The following PACS2 variants were observed in gnomAD, a reference collection of about 807,000 sequenced individuals.
PACS2 encodes phosphofurin acidic cluster sorting protein 2.
PACS2 carries 36 observed loss-of-function variants against 113.0 expected under a neutral mutation model. The ratio of observed to expected loss-of-function variants is 0.32; its 90% CI spans 0.24 to 0.42. The LOEUF (loss-of-function observed/expected upper bound fraction) is 0.42, where lower values mean the gene tolerates loss of function less well. PACS2 is among the 10% of genes least tolerant of loss of function. The pLI is 1.00. For synonymous variants in PACS2, 589 were observed against 536.1 expected, an observed-to-expected ratio of 1.10 and a Z score of -1.36; for missense variants, 1,015 against 1,239.5, an observed-to-expected ratio of 0.82 and a Z score of 2.72.
At chr14:105,393,567 G>T in intron 24 of PACS2, 9 of 435,564 alleles carry the variant, frequency 2.1e-5, no homozygotes, top group South Asian at 1.6e-4. Flanking sequence ...GACTTGTTTC[G>T]TTTTTCTTGT....
At chr14:105,382,410 G>A (rs2081025932) in intron 13 of PACS2, 67 bp from the exon 14 acceptor site, 5 of 938,966 alleles carry the variant, frequency 5.3e-6, no homozygotes, top group Non-Finnish European at 8.7e-6. Context: ...GCAGGCACCA[G>A]GGCTGGCGTG....
chr14:105,316,291 C>G (rs758721202), intron 1 of PACS2, among the ~76,000 whole-genome samples: 1 of 152,334 alleles, frequency 6.6e-6, no homozygotes, highest in East Asian at 1.9e-4. Context: ...TGCAGATGTG[C>G]CTGCTTGCCT....
intron 1 of PACS2, among the ~76,000 whole-genome samples, chr14:105,331,510 G>T (rs1179460649): frequency 2.0e-5 from 3 of 152,230 alleles, no homozygotes; most frequent in East Asian, 3.9e-4. Context: ...TCAAACTCTG[G>T]GGCTCGAGTC....
At chr14:105,311,993 GAGA>G (rs1423099979), upstream of PACS2, among the ~76,000 whole-genome samples, 13 of 152,348 alleles carry the variant, frequency 8.5e-5, no homozygotes, top group African/African-American at 2.4e-4. Flanking sequence ...CTCCTGGCAG[GAGA>G]AGGAGTAGGG....
rs2058972204 is a variant in PACS2 at position 105,323,426 on chromosome 14, A to G, written c.119+8389A>G. ...CGTCTCCTCAGGACGCATGTTGCCTACTGACCGCTGCCAGCCTGCACGAGA... is the reference window on the plus strand; with the variant it reads ...CGTCTCCTCAGGACGCATGTTGCCTGCTGACCGCTGCCAGCCTGCACGAGA... On this transcript the variant is annotated intron_variant, in intron 1 of 24. Coordinates refer to ENST00000447393, the MANE Select transcript of PACS2 (RefSeq NM_001100913.3). This position sits in a 1 kb window ranked among gnomAD's most constrained non-coding sequence, Gnocchi z 4.1. Among the ~76,000 whole-genome samples the G allele has an allele frequency of 2.0e-5, 3 of 152,136 alleles. No homozygotes were observed. Among genetic ancestry groups the G allele is most frequent in the East Asian group, 1.9e-4 (1 of 5,156 alleles).
At chr14:105,369,988 A>G (rs945427529) in intron 8 of PACS2, 88 bp downstream of exon 8, 8 of 1,152,094 alleles carry the variant, frequency 6.9e-6, no homozygotes, top group Middle Eastern at 2.0e-4. Flanking sequence ...TCTCCGGGCC[A>G]CCTCTGGTTC....
chr14:105,391,466 C>T (rs1332063372), intron 21 of PACS2, 165 bp from the exon 22 acceptor site: 14 of 703,328 alleles, frequency 2.0e-5, no homozygotes, highest in African/African-American at 1.6e-4. Context: ...TTCCAAAAAC[C>T]GAGGAGAATC....
chr14:105,360,385 C>CA (rs1160055539), intron 4 of PACS2, among the ~76,000 whole-genome samples: 3 of 150,422 alleles, frequency 2.0e-5, no homozygotes, highest in South Asian at 2.1e-4. Context: ...ACTAAAAATA[C>CA]AAAAAAAAAT....
upstream of PACS2, among the ~76,000 whole-genome samples, chr14:105,312,032 G>A (rs1429901007): frequency 3.3e-5 from 5 of 152,234 alleles, no homozygotes; most frequent in Admixed American, 3.3e-4. Flanking sequence ...GCCGCCAACT[G>A]ACCAGTGCTG....
Position 105,358,515 on chromosome 14 carries a change from G to C in PACS2, c.423+3338G>C, listed in dbSNP as rs2060542719. 6.6e-6 allele frequency among the ~76,000 whole-genome samples: 1 copy of C among 152,196 alleles called. No homozygotes were observed. The highest frequency in any genetic ancestry group is 2.4e-5 in the African/African-American group (1 of 41,446). On this transcript the variant is annotated intron_variant, in intron 4 of 24. Coordinates refer to ENST00000447393, the MANE Select transcript of PACS2 (RefSeq NM_001100913.3). The surrounding 1 kb of genome is among the most constrained non-coding windows in gnomAD (Gnocchi z 4.9). ...AGTGTGTAGGGGTGGGCGTTCGTGT[G>C]GCCAGACCACCCTGGGGCTGCAGCC...
rs1472203120 is a variant in PACS2 at position 105,357,867 on chromosome 14, A to G, written c.423+2690A>G. Among the ~76,000 whole-genome samples, 2 of 151,604 alleles carry G rather than the reference A, an allele frequency of 1.3e-5. No individual in the cohort carries two copies. The highest frequency in any genetic ancestry group is 2.9e-5 in the Non-Finnish European group (2 of 67,924). ...AGGCTGGCGCCATGCATTTGAGAGT[A>G]GTGCTCGGCGGTGGGGAAGGGTCCT... is the stretch of plus-strand genomic sequence containing the variant. On this transcript the variant is annotated intron_variant, in intron 4 of 24. Transcript: ENST00000447393. This position sits in a 1 kb window ranked among gnomAD's most constrained non-coding sequence, Gnocchi z 5.1.
At chr14:105,363,627 ACTCT>A (rs1156991413) in intron 4 of PACS2, among the ~76,000 whole-genome samples, 7 of 151,480 alleles carry the variant, frequency 4.6e-5, no homozygotes, top group Non-Finnish European at 8.8e-5. Flanking sequence ...CCGGCCACTC[ACTCT>A]CTCCACACCG....
Position 105,328,773 on chromosome 14 carries a change from C to G in PACS2, c.119+13736C>G, listed in dbSNP as rs998764927. Among the ~76,000 whole-genome samples the G allele has an allele frequency of 5.7e-4, 87 of 152,140 alleles. 1 individual carries two copies. Among genetic ancestry groups the G allele is most frequent in the Admixed American group, 5.6e-3 (85 of 15,276 alleles). On this transcript the variant is annotated intron_variant, in intron 1 of 24. Transcript: ENST00000447393. ...TTTCTGTTAAGAGTGAAGAGGAAAC[C>G]TTGTTTGATTAGACTCATTGTAAAA...
In PACS2 at chr14:105,376,488, C is replaced by G. The variant is rs1243703675; in HGVS notation, c.802-280C>G. Among the ~76,000 whole-genome samples, 1 of 152,164 alleles carries G rather than the reference C, an allele frequency of 6.6e-6. No homozygotes were observed. The highest frequency in any genetic ancestry group is 1.5e-5 in the Non-Finnish European group (1 of 68,016). The stretch of plus-strand genomic sequence containing the variant: ...GCCCACACCCGTCAGAGCTCACCTG[C>G]CTGCACCCAGGCCCTCCGTGCACCC... On this transcript the variant is annotated intron_variant, in intron 8 of 24. Coordinates refer to ENST00000447393, the MANE Select transcript of PACS2 (RefSeq NM_001100913.3). The surrounding 1 kb of genome is among the most constrained non-coding windows in gnomAD (Gnocchi z 4.7).
Position 105,358,630 on chromosome 14 carries a change from G to C in PACS2, c.423+3453G>C, listed in dbSNP as rs1044915552. Among the ~76,000 whole-genome samples, 1 of 152,182 alleles carries C rather than the reference G, an allele frequency of 6.6e-6. No individual in the cohort carries two copies. The highest frequency in any genetic ancestry group is 1.5e-5 in the Non-Finnish European group (1 of 68,028). On this transcript the variant is annotated intron_variant, in intron 4 of 24. Coordinates refer to ENST00000447393, the MANE Select transcript of PACS2 (RefSeq NM_001100913.3). The surrounding 1 kb of genome is among the most constrained non-coding windows in gnomAD (Gnocchi z 4.9). ...AAGACAGGAAGGTTGACAGACCCAT[G>C]ACCAGGCGAAGGGGTGACCTGGGAG...
At chr14:105,388,504 C>T (rs1337006669) in intron 19 of PACS2, 2 of 152,628 alleles carry the variant, frequency 1.3e-5, no homozygotes, top group African/African-American at 2.4e-5. Flanking sequence ...CCTGTGGCAT[C>T]CTCCGCTGGG....
Position 105,348,518 on chromosome 14 carries a change from C to T in PACS2, c.145C>T (p.Leu49=). 1 of 1,612,402 alleles carries T rather than the reference C, an allele frequency of 6.2e-7. No individual in the cohort carries two copies. Among genetic ancestry groups the T allele is most frequent in the Non-Finnish European group, 8.5e-7 (1 of 1,179,696 alleles). Residue 49 remains leucine, a synonymous_variant, in exon 2 of 25, where the codon CTG becomes TTG. Transcript: ENST00000447393. This position sits in a 1 kb window ranked among gnomAD's most constrained non-coding sequence, Gnocchi z 6.4. The stretch of plus-strand genomic sequence containing the variant: ...GTTGTGCAGCCTGACTCTGAAGAAG[C>T]TGGTGGTCTTCAAGGAGCTGGAGAA... ...PRLCSLTLKK[L]VVFKELEKEL...
chr14:105,382,887 C>A lies in PACS2; in HGVS notation c.1599C>A (p.Ser533Arg), dbSNP rs1555412464. 6.2e-7 allele frequency: 1 copy of A among 1,604,428 alleles called. No individual in the cohort carries two copies. The highest frequency in any genetic ancestry group is 8.5e-7 in the Non-Finnish European group (1 of 1,176,900). ...CTGCGGACGTCCAGGCGGCCTTCAG[C>A]ACCATCGTCTCACGGATACAGAGAT... ...CSPADVQAAF[S>R]TIVSRIQRYC... Residue 533 changes from serine (S) to arginine (R), a missense_variant, in exon 15 of 25, where the codon AGC (serine) becomes AGA (arginine). By Grantham distance (110) the Ser-to-Arg change is moderately radical. This residue lies in a region of PACS2 where 859 missense variants were observed against 1,056.8 expected (regional missense o/e 0.81). Transcript: ENST00000447393.
At chr14:105,303,320 T>C (rs1464469593) in intron 1 of PACS2, among the ~76,000 whole-genome samples, 2 of 152,194 alleles carry the variant, frequency 1.3e-5, no homozygotes, top group Non-Finnish European at 2.9e-5. Context: ...CTTGGCTCAC[T>C]GTAACCTCCA....
Sources: gnomAD v4.1 joint callset for allele counts (sites outside exome capture counted in the v4.1 genomes callset) on GRCh38, gnomAD v4.1.1 for gene constraint, gnomAD v4.1.1 regional missense constraint, Gnocchi (gnomAD v3.1) non-coding constraint, MANE v1.5 for transcripts, NCBI Gene and HGNC (gene_info 2026-07-23, HGNC 2026-07-21) for gene names.